The following SPAG16 variants were observed in gnomAD, a reference collection of about 807,000 sequenced individuals.
SPAG16 encodes the protein sperm associated antigen 16, also known as sperm-associated antigen 16 protein.
SPAG16 carries 86 observed loss-of-function variants against 80.4 expected under a neutral mutation model. That is an observed-to-expected ratio of 1.07 (90% CI 0.90 to 1.28). The LOEUF (loss-of-function observed/expected upper bound fraction) is 1.28. Among genes scored for constraint, SPAG16 ranks in the 50% most tolerant of loss-of-function variants. SPAG16 has a pLI of 0.00. For missense variants in SPAG16, 870 were observed against 765.3 expected, an observed-to-expected ratio of 1.14 and a Z score of -1.61; for synonymous variants, 294 against 265.9, an observed-to-expected ratio of 1.11 and a Z score of -1.03.
intron 9 of SPAG16, among the ~76,000 whole-genome samples, chr2:213,451,295 A>G (rs1206007211): frequency 3.9e-5 from 6 of 152,234 alleles, no homozygotes; most frequent in African/African-American, 9.6e-5. Context: ...CAAGTACGTT[A>G]TCCTCTTTTC....
At chr2:214,038,525 T>C (rs1270477851) in intron 13 of SPAG16, among the ~76,000 whole-genome samples, 2 of 152,182 alleles carry the variant, frequency 1.3e-5, no homozygotes, top group South Asian at 2.1e-4. Flanking sequence ...CTGAAATTTC[T>C]CAATTCATTT....
chr2:214,135,528 T>C (rs1213798597), intron 14 of SPAG16, among the ~76,000 whole-genome samples: 4 of 152,182 alleles, frequency 2.6e-5, no homozygotes, highest in Non-Finnish European at 5.9e-5. Flanking sequence ...TGTTGAAATT[T>C]AATTTCCAGT....
intron 9 of SPAG16, among the ~76,000 whole-genome samples, chr2:213,399,013 C>T (rs745515494): frequency 8.5e-5 from 13 of 152,072 alleles, no homozygotes; most frequent in Non-Finnish European, 8.8e-5. Flanking sequence ...CCCCCTGTTT[C>T]TATAATTTGT....
chr2:213,509,287 A>G (rs1408908697), intron 10 of SPAG16, among the ~76,000 whole-genome samples: 3 of 152,084 alleles, frequency 2.0e-5, no homozygotes, highest in Non-Finnish European at 4.4e-5. Flanking sequence ...AATATTTTCT[A>G]TATTTTCTAT....
chr2:214,149,199 G>A lies in SPAG16; in HGVS notation c.1653G>A (p.Lys551=), dbSNP rs1042477517. 5.6e-6 allele frequency: 9 copies of A among 1,599,152 alleles called. No individual in the cohort carries two copies. In the African/African-American group the frequency reaches 1.2e-4, roughly 21 times the overall value. The change falls in exon 15 of 16, where the codon AAG becomes AAA. Residue 551 remains lysine (K), a synonymous_variant. Transcript: ENST00000331683. ...TTACAAAGCTGTGGGACTTTCGGAAGCTGTTACCAATTGTGTCCATCGATA... is the reference window on the plus strand; with the variant it reads ...TTACAAAGCTGTGGGACTTTCGGAAACTGTTACCAATTGTGTCCATCGATA... ...CGVTKLWDFR[K]LLPIVSIDIG...
chr2:213,611,134 G>T (rs891746255), intron 10 of SPAG16, among the ~76,000 whole-genome samples: 9 of 152,170 alleles, frequency 5.9e-5, no homozygotes, highest in African/African-American at 1.9e-4. Context: ...CCCACTAGGG[G>T]TTGGGGGTAG....
At chr2:214,181,425 C>A (rs2057304473) in intron 15 of SPAG16, among the ~76,000 whole-genome samples, 1 of 151,666 alleles carries the variant, frequency 6.6e-6, no homozygotes, top group African/African-American at 2.4e-5. Flanking sequence ...CAAGGCATCC[C>A]AGGGGAGCTT....
intron 10 of SPAG16, among the ~76,000 whole-genome samples, chr2:213,633,087 C>T (rs13394492): frequency 0.025 from 3,858 of 152,212 alleles, 158 homozygotes; most frequent in African/African-American, 0.087. Context: ...AGCAGTGAAG[C>T]CATCAGGTCC....
intron 10 of SPAG16, among the ~76,000 whole-genome samples, chr2:213,834,141 TCACCTTC>T (rs2073953458): frequency 6.6e-6 from 1 of 152,142 alleles, no homozygotes; most frequent in Non-Finnish European, 1.5e-5. Context: ...AAAGTGCCTT[TCACCTTC>T]CACCATGACT....
At chr2:214,055,010 G>A (rs1185831681) in intron 13 of SPAG16, among the ~76,000 whole-genome samples, 1 of 152,126 alleles carries the variant, frequency 6.6e-6, no homozygotes, top group African/African-American at 2.4e-5. Flanking sequence ...AGGTAAAAGT[G>A]ATATTCACAG....
intron 15 of SPAG16, among the ~76,000 whole-genome samples, chr2:214,264,830 C>T (rs1248598390): frequency 6.6e-6 from 1 of 152,002 alleles, no homozygotes; most frequent in South Asian, 2.1e-4. Flanking sequence ...TTTTTACTGT[C>T]TCTATATTTT....
At chr2:213,394,221 T>C (rs1163499349) in intron 9 of SPAG16, among the ~76,000 whole-genome samples, 6 of 152,142 alleles carry the variant, frequency 3.9e-5, no homozygotes. Context: ...TACCAACCAA[T>C]TCAGACATAA....
At chr2:214,087,330 A>G (rs1232102557) in intron 13 of SPAG16, among the ~76,000 whole-genome samples, 1 of 152,184 alleles carries the variant, frequency 6.6e-6, no homozygotes, top group Non-Finnish European at 1.5e-5. Flanking sequence ...AGTGATGGAT[A>G]CCATTCAATT....
chr2:213,751,604 G>C (rs951005565), intron 10 of SPAG16, among the ~76,000 whole-genome samples: 1 of 152,154 alleles, frequency 6.6e-6, no homozygotes, highest in African/African-American at 2.4e-5. Flanking sequence ...GAATCTGTGA[G>C]TAATAAATAT....
At chr2:213,916,844 C>T (rs2077994537) in intron 11 of SPAG16, among the ~76,000 whole-genome samples, 1 of 152,076 alleles carries the variant, frequency 6.6e-6, no homozygotes, top group Non-Finnish European at 1.5e-5. Flanking sequence ...TTGCTTTTGG[C>T]ATTTTTGTCA....
At chr2:213,729,848 A>G (rs771812276) in intron 10 of SPAG16, among the ~76,000 whole-genome samples, 68 of 152,330 alleles carry the variant, frequency 4.5e-4, no homozygotes, top group Non-Finnish European at 8.5e-4. Flanking sequence ...CCTTGGTGAG[A>G]ACAGACTAAC....
At chr2:214,206,794 C>A (rs2058156410) in intron 15 of SPAG16, among the ~76,000 whole-genome samples, 2 of 151,938 alleles carry the variant, frequency 1.3e-5, no homozygotes, top group African/African-American at 4.8e-5. Context: ...TTATTTTTTG[C>A]TTTTTTATAA....
At chr2:213,518,085 T>C (rs10173596) in intron 10 of SPAG16, among the ~76,000 whole-genome samples, 3,675 of 152,210 alleles carry the variant, frequency 0.024, 150 homozygotes, top group African/African-American at 0.083. Context: ...CTAGAATCTG[T>C]AAGAAACTTA....
At chr2:213,646,748 AT>A in intron 10 of SPAG16, among the ~76,000 whole-genome samples, 1 of 152,214 alleles carries the variant, frequency 6.6e-6, no homozygotes, top group Non-Finnish European at 1.5e-5. Flanking sequence ...TGATGAAGTA[AT>A]TTTGGCTGTA....
Sources: allele counts gnomAD v4.1 joint callset (sites outside exome capture counted in the v4.1 genomes callset), GRCh38; gene constraint gnomAD v4.1.1; transcripts MANE v1.5; gene names NCBI Gene and HGNC (gene_info 2026-07-23, HGNC 2026-07-21).